TNPO1: variants seen among roughly 807,000 people sequenced by gnomAD.
TNPO1 encodes the protein transportin 1.
A neutral mutation model predicts 119.5 loss-of-function variants in TNPO1; 8 were observed. That is an observed-to-expected ratio of 0.07 (90% CI 0.04 to 0.12). The LOEUF is 0.12. Among genes scored for constraint, TNPO1 ranks in the 10% least tolerant of loss-of-function variants. TNPO1 has a pLI of 1.00. For synonymous variants in TNPO1, 362 were observed against 363.0 expected (o/e 1.00, Z 0.03); for missense variants, 576 against 1,089.8 (o/e 0.53, Z 6.64).
chr5:72,892,429 A>G (rs1176825515), intron 15 of TNPO1, among the ~76,000 whole-genome samples: 2 of 152,082 alleles, frequency 1.3e-5, no homozygotes, highest in African/African-American at 4.8e-5. Flanking sequence ...CTGTTATTTC[A>G]AGGTTCACCA....
intron 11 of TNPO1, among the ~76,000 whole-genome samples, chr5:72,885,582 C>T (rs534748137): frequency 1.3e-5 from 2 of 152,238 alleles, no homozygotes; most frequent in Admixed American, 6.5e-5. Context: ...GTATCGTATG[C>T]CTCATTCTTC....
chr5:72,867,162 C>T (rs1746967407), intron 6 of TNPO1, among the ~76,000 whole-genome samples: 1 of 91,142 alleles, frequency 1.1e-5, no homozygotes, highest in Non-Finnish European at 2.4e-5. Context: ...TGGAATAAGA[C>T]CCTGCCTGAA....
rs537042560 is a variant in TNPO1 at position 72,906,710 on chromosome 5, A to G, written c.*35+1265A>G. Among the ~76,000 whole-genome samples, 3 of 152,290 alleles carry G rather than the reference A, an allele frequency of 2.0e-5. 1 individual carries two copies. In the East Asian group the frequency reaches 5.8e-4, roughly 29 times the overall value. On this transcript the variant is annotated intron_variant, in intron 24 of 24. Transcript: ENST00000337273. ...TACTTAAATGGGACTAGCAGTTCTCATCTCTGAGCTTCGGTTTTGTCATTG... is the reference window on the plus strand; with the variant it reads ...TACTTAAATGGGACTAGCAGTTCTCGTCTCTGAGCTTCGGTTTTGTCATTG...
intron 16 of TNPO1, 59 bp downstream of exon 16, chr5:72,893,305 G>C: frequency 6.2e-7 from 1 of 1,605,396 alleles, no homozygotes; most frequent in Non-Finnish European, 8.5e-7. Flanking sequence ...CTAAAGATAG[G>C]TATAATGTAT....
In TNPO1 at chr5:72,865,688, C is replaced by A; in HGVS notation, c.555C>A (p.Pro185=). The A allele has an allele frequency of 6.2e-7, 1 of 1,613,708 alleles. No homozygotes were observed. The highest frequency in any genetic ancestry group is 8.5e-7 in the Non-Finnish European group (1 of 1,179,816). Residue 185 remains proline, a synonymous_variant, in exon 6 of 25, where the codon CCC becomes CCA. Coordinates refer to ENST00000337273, the MANE Select transcript of TNPO1 (RefSeq NM_002270.4). ...VLDRPLNIMI[P]KFLQFFKHSS... ...ATCGTCCTCTCAACATCATGATTCC[C>A]AAATTTTTACAGTTCTTCAAGCATA...
At chr5:72,898,730 T>C (rs1749618636) in intron 20 of TNPO1, among the ~76,000 whole-genome samples, 1 of 152,174 alleles carries the variant, frequency 6.6e-6, no homozygotes, top group Non-Finnish European at 1.5e-5. Flanking sequence ...GCATGTTTCA[T>C]TGGATTGTTC....
At chr5:72,845,490 C>T (rs1329628783) in intron 1 of TNPO1, among the ~76,000 whole-genome samples, 1 of 152,070 alleles carries the variant, frequency 6.6e-6, no homozygotes, top group East Asian at 1.9e-4. Context: ...AGATGGATGC[C>T]ACTGAACTGT....
At chr5:72,907,282 G>T (rs954880042) in intron 24 of TNPO1, among the ~76,000 whole-genome samples, 1 of 152,248 alleles carries the variant, frequency 6.6e-6, no homozygotes, top group South Asian at 2.1e-4. Context: ...AACAAGTCTT[G>T]AGCACTTTCA....
chr5:72,881,355 C>G (rs183154661), intron 9 of TNPO1, among the ~76,000 whole-genome samples: 3 of 152,138 alleles, frequency 2.0e-5, no homozygotes, highest in Admixed American at 2.0e-4. Flanking sequence ...GTGATCCGCT[C>G]GCCTCGACCT....
chr5:72,874,254 A>G (rs1384733102), intron 7 of TNPO1, among the ~76,000 whole-genome samples: 2 of 152,126 alleles, frequency 1.3e-5, no homozygotes, highest in Non-Finnish European at 2.9e-5. Flanking sequence ...CTCAATAGCA[A>G]TTTGCCAAGT....
chr5:72,905,930 G>A (rs1043426604), intron 24 of TNPO1, among the ~76,000 whole-genome samples: 6 of 152,064 alleles, frequency 3.9e-5, no homozygotes, highest in African/African-American at 1.2e-4. Flanking sequence ...TCAAGTGAAG[G>A]CTAAAGAAAT....
intron 1 of TNPO1, among the ~76,000 whole-genome samples, chr5:72,830,247 A>G (rs1465343157): frequency 6.6e-6 from 1 of 152,112 alleles, no homozygotes; most frequent in East Asian, 1.9e-4. Context: ...GGCAATTTTT[A>G]TTTGTAAAGC....
chr5:72,830,924 A>G (rs918631631), intron 1 of TNPO1, among the ~76,000 whole-genome samples: 2 of 152,162 alleles, frequency 1.3e-5, no homozygotes, highest in African/African-American at 4.8e-5. Context: ...ATAGTCATGA[A>G]TGGTATCTAC....
Position 72,885,461 on chromosome 5 carries a change from A to T in TNPO1, c.1151-1609A>T, listed in dbSNP as rs181913868. Among the ~76,000 whole-genome samples the T allele has an allele frequency of 6.6e-5, 10 of 152,328 alleles. No individual in the cohort carries two copies. The East Asian group carries it at 1.9e-3, about 29-fold the overall frequency. ...CACATCCCATTCTTTGTATCCTTCC[A>T]AAAGCTTTTCTGTGCGTGCTTGGGA... On this transcript the variant is annotated intron_variant, in intron 11 of 24. Coordinates refer to ENST00000337273, the MANE Select transcript of TNPO1 (RefSeq NM_002270.4).
Position 72,872,695 on chromosome 5 carries a change from T to C in TNPO1, c.653T>C (p.Met218Thr), listed in dbSNP as rs1415923197. Residue 218 changes from methionine (M) to threonine (T), a missense_variant, in exon 7 of 25, where the codon ATG (methionine) becomes ACG (threonine). Physicochemically the swap from Met to Thr is moderately conservative, Grantham distance 81. Transcript: ENST00000337273. ...ATCATCAGTAGGACTCAAGCTCTAATGTTGCACATTGATTCTTTTATTGAG... is the reference window on the plus strand; with the variant it reads ...ATCATCAGTAGGACTCAAGCTCTAACGTTGCACATTGATTCTTTTATTGAG... ...QFIISRTQAL[M>T]LHIDSFIENL... The C allele has an allele frequency of 6.2e-7, 1 of 1,609,734 alleles. No individual in the cohort carries two copies. The highest frequency in any genetic ancestry group is 1.7e-5 in the Admixed American group (1 of 59,638).
chr5:72,828,310 G>A (rs1460565255), intron 1 of TNPO1, among the ~76,000 whole-genome samples: 1 of 152,208 alleles, frequency 6.6e-6, no homozygotes, highest in Non-Finnish European at 1.5e-5. Context: ...CTTTCAAGAT[G>A]TTTCTGTGAA....
chr5:72,878,380 C>T (rs905724949), intron 9 of TNPO1, among the ~76,000 whole-genome samples: 1 of 151,436 alleles, frequency 6.6e-6, no homozygotes, highest in African/African-American at 2.4e-5. Flanking sequence ...GTATACCCCA[C>T]TGTGTGTCTA....
chr5:72,904,367 A>G (rs1453431834), intron 23 of TNPO1, among the ~76,000 whole-genome samples: 1 of 152,252 alleles, frequency 6.6e-6, no homozygotes, highest in Non-Finnish European at 1.5e-5. Context: ...GTATGGTATC[A>G]GAGATTGCTT....
At chr5:72,902,118 A>T (rs1315105949) in intron 22 of TNPO1, among the ~76,000 whole-genome samples, 1 of 152,098 alleles carries the variant, frequency 6.6e-6, no homozygotes, top group Non-Finnish European at 1.5e-5. Context: ...CAAAGAACTA[A>T]ATTTTGGTTT....
Sources: allele counts gnomAD v4.1 joint callset (sites outside exome capture counted in the v4.1 genomes callset), GRCh38; gene constraint gnomAD v4.1.1; transcripts MANE v1.5; gene names NCBI Gene and HGNC (gene_info 2026-07-23, HGNC 2026-07-21).